The following GSTCD variants were observed in gnomAD, a reference collection of about 807,000 sequenced individuals.
The protein encoded by GSTCD is glutathione S-transferase C-terminal domain-containing protein.
Under a neutral mutation model 68.3 loss-of-function variants are expected in GSTCD, and 44 were observed. That is an observed-to-expected ratio of 0.64 (90% CI 0.51 to 0.83). The LOEUF is 0.83. GSTCD is among the 40% of genes least tolerant of loss of function. GSTCD has a pLI of 0.00. For missense variants in GSTCD, 739 were observed against 735.9 expected (o/e 1.00, Z -0.05); for synonymous variants, 273 against 255.2 (o/e 1.07, Z -0.67).
At chr4:105,845,363 A>G (rs1724507347) in intron 11 of GSTCD, 78 bp from the exon 12 acceptor site, 3 of 1,543,864 alleles carry the variant, frequency 1.9e-6, no homozygotes, top group South Asian at 1.1e-5. Flanking sequence ...TTTTGTCACT[A>G]TATAGATTCC....
intron 5 of GSTCD, among the ~76,000 whole-genome samples, chr4:105,750,568 C>G (rs1052195996): frequency 3.3e-5 from 5 of 151,954 alleles, no homozygotes; most frequent in Non-Finnish European, 5.9e-5. Flanking sequence ...GGTACAGCCA[C>G]TCTAGAAAAT....
intron 5 of GSTCD, among the ~76,000 whole-genome samples, chr4:105,809,080 A>G (rs1722648309): frequency 6.6e-6 from 1 of 152,124 alleles, no homozygotes; most frequent in African/African-American, 2.4e-5. Context: ...GGACAGAAAA[A>G]ACTCATATGC....
At chr4:105,741,172 G>C (rs1317782092) in intron 5 of GSTCD, among the ~76,000 whole-genome samples, 1 of 151,216 alleles carries the variant, frequency 6.6e-6, no homozygotes, top group Non-Finnish European at 1.5e-5. Context: ...ACCTAATATT[G>C]CCTGTATCTC....
At chr4:105,777,552 C>T (rs768494957) in intron 5 of GSTCD, among the ~76,000 whole-genome samples, 1 of 152,066 alleles carries the variant, frequency 6.6e-6, no homozygotes, top group Admixed American at 6.6e-5. Context: ...ACTTTTTAAC[C>T]TTGAACTATA....
At chr4:105,731,015 AG>A (rs1484001544) in intron 5 of GSTCD, among the ~76,000 whole-genome samples, 1 of 151,730 alleles carries the variant, frequency 6.6e-6, no homozygotes, top group African/African-American at 2.4e-5. Flanking sequence ...TGTTTTTGTC[AG>A]GTTTGTCAAA....
At chr4:105,796,826 G>A (rs1421160219) in intron 5 of GSTCD, among the ~76,000 whole-genome samples, 1 of 152,152 alleles carries the variant, frequency 6.6e-6, no homozygotes, top group Non-Finnish European at 1.5e-5. Context: ...TTGGAAATGG[G>A]TAAGAGGAAA....
At chr4:105,785,396 A>T (rs1735428102) in intron 5 of GSTCD, among the ~76,000 whole-genome samples, 1 of 152,140 alleles carries the variant, frequency 6.6e-6, no homozygotes, top group African/African-American at 2.4e-5. Context: ...TACCCTAGAA[A>T]GGCAAGGTTG....
chr4:105,733,448 T>A (rs1230206024), intron 5 of GSTCD, among the ~76,000 whole-genome samples: 11 of 152,364 alleles, frequency 7.2e-5, no homozygotes, highest in Non-Finnish European at 1.6e-4. Context: ...TGTAATGGCC[T>A]TCTTAGTTCT....
At position 105,720,184 on chromosome 4, in the gene GSTCD, ACACT is replaced by A. The variant is rs368397588; in HGVS notation, c.894+661_894+664del. Among the ~76,000 whole-genome samples the A allele has an allele frequency of 7.8e-4, 119 of 152,276 alleles. 2 individuals are homozygous for A. The East Asian group carries it at 0.021, about 27-fold the overall frequency. On this transcript the variant is annotated intron_variant, in intron 3 of 11. Coordinates refer to ENST00000515279, the MANE Select transcript of GSTCD (RefSeq NM_001370181.1). ...CTCTCTCTGTCTGTCTTACATACAC[ACACT>A]CACACACGCACACACGTGTGCACAC...
chr4:105,769,938 A>C (rs1450953114), intron 5 of GSTCD, among the ~76,000 whole-genome samples: 1 of 152,058 alleles, frequency 6.6e-6, no homozygotes, highest in African/African-American at 2.4e-5. Flanking sequence ...AAAAATTTTG[A>C]ATAGAGATAC....
chr4:105,786,312 A>AC (rs1288015978), intron 5 of GSTCD, among the ~76,000 whole-genome samples: 1 of 152,030 alleles, frequency 6.6e-6, no homozygotes, highest in Non-Finnish European at 1.5e-5. Context: ...GGAGTTCGAG[A>AC]CAACCTTGGT....
intron 1 of GSTCD, among the ~76,000 whole-genome samples, chr4:105,716,540 G>C (rs1732686861): frequency 6.6e-6 from 1 of 152,208 alleles, no homozygotes; most frequent in African/African-American, 2.4e-5. Flanking sequence ...CCTCCTGTCA[G>C]ATCAGCAGCG....
intron 5 of GSTCD, among the ~76,000 whole-genome samples, chr4:105,811,801 A>G (rs960788049): frequency 1.3e-5 from 2 of 152,194 alleles, no homozygotes; most frequent in African/African-American, 2.4e-5. Context: ...TGAAAAGGTG[A>G]GACTTTAGAT....
chr4:105,752,913 A>C, intron 5 of GSTCD, among the ~76,000 whole-genome samples: 1 of 152,076 alleles, frequency 6.6e-6, no homozygotes, highest in Non-Finnish European at 1.5e-5. Context: ...TTCTCTCGTC[A>C]ATTAGTATTG....
chr4:105,807,282 C>T (rs1029181281), intron 5 of GSTCD: 6 of 151,972 alleles, frequency 3.9e-5, no homozygotes, highest in African/African-American at 1.4e-4. Flanking sequence ...ACGTGTGTCT[C>T]CTAAGAAAAA....
intron 5 of GSTCD, among the ~76,000 whole-genome samples, chr4:105,806,359 G>C (rs1722496350): frequency 6.6e-6 from 1 of 152,034 alleles, no homozygotes. Context: ...TTAGTTTTCA[G>C]TACAGGAGAT....
At chr4:105,761,097 G>A (rs745971162) in intron 5 of GSTCD, 41 of 178,990 alleles carry the variant, frequency 2.3e-4, no homozygotes, top group Middle Eastern at 2.6e-3. Context: ...CCAGCCTCCC[G>A]GGTTCAAGTA....
chr4:105,737,157 A>T (rs1177973649), intron 5 of GSTCD, among the ~76,000 whole-genome samples: 2 of 152,186 alleles, frequency 1.3e-5, no homozygotes, highest in African/African-American at 4.8e-5. Flanking sequence ...TTTTTGAGAA[A>T]ACTCCATACT....
intron 5 of GSTCD, among the ~76,000 whole-genome samples, chr4:105,773,820 A>AT (rs1480163826): frequency 2.0e-5 from 3 of 152,178 alleles, no homozygotes; most frequent in African/African-American, 7.2e-5. Flanking sequence ...GCTGAGAAGA[A>AT]TGTATATTCT....
Sources: allele counts gnomAD v4.1 joint callset (sites outside exome capture counted in the v4.1 genomes callset), GRCh38; gene constraint gnomAD v4.1.1; transcripts MANE v1.5; gene names NCBI Gene and HGNC (gene_info 2026-07-23, HGNC 2026-07-21).